Variants in PPM1L observed in about 807,000 individuals in gnomAD.
PPM1L encodes protein phosphatase, Mg2+/Mn2+ dependent 1L.
In PPM1L, 13 loss-of-function variants were observed where a neutral mutation model predicts 31.4. That is an observed-to-expected ratio of 0.41 (90% CI 0.27 to 0.66). The LOEUF is 0.66. PPM1L is among the 30% of genes least tolerant of loss of function. The pLI, the probability that PPM1L is intolerant of heterozygous loss-of-function variation, is 0.29. For missense variants in PPM1L, 326 were observed against 453.7 expected, an observed-to-expected ratio of 0.72 and a Z score of 2.56; for synonymous variants, 184 against 175.4, an observed-to-expected ratio of 1.05 and a Z score of -0.39.
chr3:161,037,980 T>A (rs1047875441), intron 2 of PPM1L, among the ~76,000 whole-genome samples: 1 of 151,454 alleles, frequency 6.6e-6, no homozygotes, highest in Non-Finnish European at 1.5e-5. Flanking sequence ...ACGCCTGTAA[T>A]CCCAGCACTT....
At chr3:161,050,946 AG>A (rs1719255260) in intron 2 of PPM1L, among the ~76,000 whole-genome samples, 1 of 152,244 alleles carries the variant, frequency 6.6e-6, no homozygotes, top group South Asian at 2.1e-4. Flanking sequence ...TGAATTACAA[AG>A]AAATCCTCTC....
At chr3:160,969,359 C>T (rs538316102) in intron 2 of PPM1L, among the ~76,000 whole-genome samples, 1 of 152,208 alleles carries the variant, frequency 6.6e-6, no homozygotes, top group East Asian at 1.9e-4. Context: ...ATAGATGGTG[C>T]CTGAAAGTTA....
At chr3:160,906,077 T>G (rs1713745268) in intron 1 of PPM1L, among the ~76,000 whole-genome samples, 1 of 152,086 alleles carries the variant, frequency 6.6e-6, no homozygotes, top group South Asian at 2.1e-4. Context: ...TTATTATTAT[T>G]ATTTTTTTAG....
intron 1 of PPM1L, among the ~76,000 whole-genome samples, chr3:160,926,319 A>G (rs1287772406): frequency 2.0e-5 from 3 of 152,192 alleles, no homozygotes; most frequent in African/African-American, 4.8e-5. Context: ...AGAATGTGGG[A>G]ACTGCAGTTT....
chr3:161,045,224 GT>G (rs1719023492), intron 2 of PPM1L, among the ~76,000 whole-genome samples: 1 of 152,108 alleles, frequency 6.6e-6, no homozygotes, highest in Non-Finnish European at 1.5e-5. Flanking sequence ...GAGACACAAA[GT>G]TAACAAGGAT....
intron 2 of PPM1L, among the ~76,000 whole-genome samples, chr3:161,041,243 C>G (rs750862849): frequency 2.6e-5 from 4 of 152,202 alleles, no homozygotes; most frequent in Admixed American, 6.5e-5. Flanking sequence ...ATGCCTCCCC[C>G]CACTGGCCCC....
At position 160,765,074 on chromosome 3, in the gene PPM1L, C is replaced by T. The variant is rs565644861; in HGVS notation, c.399+8367C>T. On this transcript the variant is annotated intron_variant, in intron 1 of 3. Coordinates refer to ENST00000498165, the MANE Select transcript of PPM1L (RefSeq NM_139245.4). ...TATTGAGTATGTATAATATGCCAGG[C>T]AGTATTTATAAAGTACTTTACATAT... Among the ~76,000 whole-genome samples the T allele has an allele frequency of 2.0e-5, 3 of 152,070 alleles. No homozygotes were observed. The South Asian group carries it at 6.2e-4, about 32-fold the overall frequency.
intron 1 of PPM1L, among the ~76,000 whole-genome samples, chr3:160,858,608 T>C (rs372180532): frequency 6.6e-6 from 1 of 152,194 alleles, no homozygotes; most frequent in African/African-American, 2.4e-5. Context: ...TTACCCTCAA[T>C]AAAAGGTGGA....
intron 1 of PPM1L, among the ~76,000 whole-genome samples, chr3:160,815,137 C>A (rs1019903003): frequency 1.3e-5 from 2 of 151,984 alleles, no homozygotes; most frequent in Admixed American, 6.6e-5. Context: ...GAAATACCAC[C>A]TGTTCCCCAA....
intron 2 of PPM1L, among the ~76,000 whole-genome samples, chr3:161,049,665 G>T (rs1471915309): frequency 6.6e-6 from 1 of 152,168 alleles, no homozygotes; most frequent in Non-Finnish European, 1.5e-5. Flanking sequence ...TACCTTGCAG[G>T]ATTTTTGTGA....
chr3:160,924,451 CAGGTTCTGTAATAGGAAGAA>C (rs1399993154), intron 1 of PPM1L, among the ~76,000 whole-genome samples: 3 of 152,154 alleles, frequency 2.0e-5, no homozygotes, highest in Non-Finnish European at 1.5e-5. Flanking sequence ...CTAATTTTGG[CAGGTTCTGTAATAGGAAGAA>C]AGAATCAAGT....
intron 1 of PPM1L, among the ~76,000 whole-genome samples, chr3:160,840,842 T>C (rs1412258182): frequency 6.6e-6 from 1 of 151,836 alleles, no homozygotes; most frequent in East Asian, 1.9e-4. Flanking sequence ...AGAAAGAACA[T>C]ATTTGCCTTT....
intron 2 of PPM1L, among the ~76,000 whole-genome samples, chr3:161,001,295 G>C (rs1246570858): frequency 6.6e-6 from 1 of 151,684 alleles, no homozygotes; most frequent in African/African-American, 2.4e-5. Flanking sequence ...TTTGTTTTTT[G>C]TTCTTTTGGG....
chr3:160,970,991 C>A (rs779739469), intron 2 of PPM1L, among the ~76,000 whole-genome samples: 1 of 151,994 alleles, frequency 6.6e-6, no homozygotes, highest in African/African-American at 2.4e-5. Flanking sequence ...GGGGTTTCAC[C>A]CTGTTAGCTC....
intron 2 of PPM1L, among the ~76,000 whole-genome samples, chr3:161,046,300 AC>A (rs1197782386): frequency 6.6e-6 from 1 of 152,128 alleles, no homozygotes; most frequent in Non-Finnish European, 1.5e-5. Flanking sequence ...ATCAGAGAAT[AC>A]TATAAACACC....
At chr3:160,873,173 G>A (rs753469423) in intron 1 of PPM1L, among the ~76,000 whole-genome samples, 32 of 152,110 alleles carry the variant, frequency 2.1e-4, no homozygotes, top group Non-Finnish European at 3.4e-4. Context: ...CCTATTCTCA[G>A]TAAAGCTAAG....
chr3:161,067,084 T>C (rs995527621), intron 3 of PPM1L, among the ~76,000 whole-genome samples: 2 of 152,208 alleles, frequency 1.3e-5, no homozygotes, highest in African/African-American at 2.4e-5. Context: ...AGGAGTCTGC[T>C]GTGAAATTAA....
rs572368003 is a variant in PPM1L at position 161,049,974 on chromosome 3, G to T, written c.575-15429G>T. 8.5e-5 allele frequency among the ~76,000 whole-genome samples: 13 copies of T among 152,272 alleles called. No individual in the cohort carries two copies. In the South Asian group the frequency reaches 2.7e-3, roughly 32 times the overall value. ...AATCAGCCTGTTCCTGCTGCCGTCT[G>T]CCACTTTTCCCCCGACCTTCCTGGC... On this transcript the variant is annotated intron_variant, in intron 2 of 3. Transcript: ENST00000498165.
Position 160,949,281 on chromosome 3 carries a change from G to GAGAC in PPM1L, c.400-12454_400-12453insGACA, listed in dbSNP as rs1459944146. ...CCTGGATTCCTAAAATAAGACATTA[G>GAGAC]ATACTGTGTGTGTATTTCTGGGAAA... On this transcript the variant is annotated intron_variant, in intron 1 of 3. Transcript: ENST00000498165. Among the ~76,000 whole-genome samples the GAGAC allele has an allele frequency of 2.0e-5, 3 of 152,156 alleles. No homozygotes were observed. The East Asian group carries it at 5.8e-4, about 29-fold the overall frequency.
Sources: gnomAD v4.1 joint callset for allele counts (sites outside exome capture counted in the v4.1 genomes callset) on GRCh38, gnomAD v4.1.1 for gene constraint, MANE v1.5 for transcripts, NCBI Gene and HGNC (gene_info 2026-07-23, HGNC 2026-07-21) for gene names.